The following DLGAP4 variants were observed in gnomAD, a reference collection of about 807,000 sequenced individuals.
DLGAP4 encodes disks large-associated protein 4.
A neutral mutation model predicts 86.9 loss-of-function variants in DLGAP4; 18 were observed. The ratio of observed to expected loss-of-function variants is 0.21; its 90% CI spans 0.14 to 0.31. The LOEUF (loss-of-function observed/expected upper bound fraction) is 0.31, where lower values mean the gene tolerates loss of function less well. DLGAP4 is among the 10% of genes least tolerant of loss of function. DLGAP4 has a pLI of 1.00. For missense variants in DLGAP4, 1,085 were observed against 1,362.6 expected, an observed-to-expected ratio of 0.80 and a Z score of 3.21; for synonymous variants, 548 against 574.3, an observed-to-expected ratio of 0.95 and a Z score of 0.65.
chr20:36,349,720 A>G (rs999424565), intron 1 of DLGAP4, among the ~76,000 whole-genome samples: 6 of 152,140 alleles, frequency 3.9e-5, no homozygotes, highest in African/African-American at 1.2e-4. Context: ...CAGATAAGGT[A>G]CCCACATGTC....
At chr20:36,370,838 T>TA in intron 2 of DLGAP4, among the ~76,000 whole-genome samples, 1 of 152,166 alleles carries the variant, frequency 6.6e-6, no homozygotes, top group African/African-American at 2.4e-5. Context: ...TAAATAACAT[T>TA]AAAAAATTTT....
intron 1 of DLGAP4, among the ~76,000 whole-genome samples, chr20:36,324,352 G>A (rs781935649): frequency 9.2e-5 from 14 of 152,044 alleles, no homozygotes; most frequent in East Asian, 1.9e-4. Context: ...ACTTGAACCC[G>A]GGAGGCAGAG....
At chr20:36,385,888 C>T (rs1600466278) in intron 2 of DLGAP4, among the ~76,000 whole-genome samples, 1 of 152,282 alleles carries the variant, frequency 6.6e-6, no homozygotes, top group East Asian at 1.9e-4. Context: ...GATCTGCCTC[C>T]CCACTTCAGC....
intron 2 of DLGAP4, among the ~76,000 whole-genome samples, chr20:36,394,803 C>T (rs1471341400): frequency 6.6e-6 from 1 of 152,128 alleles, no homozygotes; most frequent in Non-Finnish European, 1.5e-5. Context: ...TAAGACACAC[C>T]TCTCATTCAG....
intron 2 of DLGAP4, among the ~76,000 whole-genome samples, chr20:36,400,613 G>T (rs2032128298): frequency 6.6e-6 from 1 of 151,436 alleles, no homozygotes; most frequent in South Asian, 2.1e-4. Flanking sequence ...GTTGGATGGG[G>T]TTGGGAACAT....
intron 2 of DLGAP4, among the ~76,000 whole-genome samples, chr20:36,408,626 G>T (rs1318496811): frequency 6.6e-6 from 1 of 152,200 alleles, no homozygotes; most frequent in Non-Finnish European, 1.5e-5. Context: ...AGCCCCTGTG[G>T]GCTCTTTGCA....
intron 2 of DLGAP4, among the ~76,000 whole-genome samples, chr20:36,412,037 G>T (rs561548388): frequency 6.6e-6 from 1 of 152,228 alleles, no homozygotes; most frequent in South Asian, 2.1e-4. Flanking sequence ...TTCTCCAAGT[G>T]CTGTGTGTAT....
At chr20:36,443,793 A>G (rs2033517077) in intron 6 of DLGAP4, among the ~76,000 whole-genome samples, 1 of 152,128 alleles carries the variant, frequency 6.6e-6, no homozygotes, top group South Asian at 2.1e-4. Context: ...GACAGACTCC[A>G]CAGTGCTACC....
chr20:36,520,942 C>T (rs1479039005), intron 10 of DLGAP4, among the ~76,000 whole-genome samples: 1 of 152,150 alleles, frequency 6.6e-6, no homozygotes, highest in East Asian at 1.9e-4. Flanking sequence ...AAGTGATTCT[C>T]CTGCCTCAGC....
chr20:36,421,768 G>A (rs1277798279), intron 2 of DLGAP4, among the ~76,000 whole-genome samples: 2 of 152,060 alleles, frequency 1.3e-5, no homozygotes, highest in Admixed American at 6.6e-5. Flanking sequence ...AGGTCGGGGC[G>A]GGTGAGAGAT....
At chr20:36,343,670 C>T (rs577830481) in intron 1 of DLGAP4, among the ~76,000 whole-genome samples, 176 of 152,290 alleles carry the variant, frequency 1.2e-3, no homozygotes, top group Middle Eastern at 6.8e-3. Context: ...TGTGTCTGCA[C>T]GCATGCATGC....
intron 1 of DLGAP4, among the ~76,000 whole-genome samples, chr20:36,317,239 C>CTT (rs2065111006): frequency 2.0e-5 from 1 of 49,288 alleles, no homozygotes; most frequent in Non-Finnish European, 3.6e-5. Flanking sequence ...TTCTTTCTTT[C>CTT]TTTCTTTCTT....
chr20:36,340,667 G>A (rs1600413590), intron 1 of DLGAP4, among the ~76,000 whole-genome samples: 1 of 152,218 alleles, frequency 6.6e-6, no homozygotes, highest in Non-Finnish European at 1.5e-5. Context: ...ATGAGTTCCT[G>A]GGCGGCAGGG....
intron 1 of DLGAP4, among the ~76,000 whole-genome samples, chr20:36,329,063 C>T (rs1004761093): frequency 6.6e-6 from 1 of 152,144 alleles, no homozygotes; most frequent in Admixed American, 6.5e-5. Context: ...TGTGAGCCAT[C>T]GCGCCCGGCC....
rs1460139127 is a variant in DLGAP4 at position 36,506,288 on chromosome 20, TC to T, written c.2512+5678del. Among the ~76,000 whole-genome samples the T allele has an allele frequency of 2.6e-5, 4 of 152,364 alleles. No homozygotes were observed. The East Asian group carries it at 5.8e-4, about 22-fold the overall frequency. ...TTTACTATACTTAATTCTAGTTATTTCTAGAGCAAGAAGATGTTTACCTGCA... is the reference window on the plus strand; with the variant it reads ...TTTACTATACTTAATTCTAGTTATTTTAGAGCAAGAAGATGTTTACCTGCA... On this transcript the variant is annotated intron_variant, in intron 10 of 12. Coordinates refer to ENST00000339266, the MANE Select transcript of DLGAP4 (RefSeq NM_001365621.2).
At chr20:36,430,648 CAAAAAAAA>C (rs5841233) in intron 2 of DLGAP4, among the ~76,000 whole-genome samples, 4 of 58,970 alleles carry the variant, frequency 6.8e-5, no homozygotes, top group South Asian at 1.5e-3. Flanking sequence ...GACCTTGTTG[CAAAAAAAA>C]AAAAAAAAAA....
At chr20:36,380,602 AGAGAGAGAGAGAGAGAGAGAGAG>A (rs2031344269) in intron 2 of DLGAP4, among the ~76,000 whole-genome samples, 1 of 1,478 alleles carries the variant, frequency 6.8e-4, no homozygotes, top group African/African-American at 0.011. Context: ...AAAGAGAGAG[AGAGAGAGAGAGAGAGAGAGAGAG>A]AGAGAGAGAG....
intron 1 of DLGAP4, among the ~76,000 whole-genome samples, chr20:36,333,399 C>T (rs1182583009): frequency 1.1e-4 from 17 of 152,274 alleles, no homozygotes; most frequent in Middle Eastern, 3.4e-3. Flanking sequence ...CCTTTGCCCA[C>T]GCTTCCCCTC....
chr20:36,346,782 C>T (rs138944809), intron 1 of DLGAP4, among the ~76,000 whole-genome samples: 1 of 152,250 alleles, frequency 6.6e-6, no homozygotes, highest in East Asian at 1.9e-4. Flanking sequence ...CCCATCACCT[C>T]TCTCCTCTTA....
Sources: gnomAD v4.1 joint callset for allele counts (sites outside exome capture counted in the v4.1 genomes callset) on GRCh38, gnomAD v4.1.1 for gene constraint, MANE v1.5 for transcripts, NCBI Gene and HGNC (gene_info 2026-07-23, HGNC 2026-07-21) for gene names.